Variants in ARHGEF9 observed in about 807,000 individuals in gnomAD.
ARHGEF9 encodes Cdc42 guanine nucleotide exchange factor 9.
Under a neutral mutation model 41.3 loss-of-function variants are expected in ARHGEF9, and 2 were observed. The observed-to-expected ratio is 0.05, with a 90% CI of 0.02 to 0.15. The LOEUF is 0.15. Among genes scored for constraint, ARHGEF9 ranks in the 10% least tolerant of loss-of-function variants. ARHGEF9 has a pLI of 1.00. For missense variants in ARHGEF9, 225 were observed against 424.7 expected, an observed-to-expected ratio of 0.53 and a Z score of 4.13; for synonymous variants, 160 against 154.4, an observed-to-expected ratio of 1.04 and a Z score of -0.27.
At chrX:63,703,594 C>T (rs1308779287) in intron 3 of ARHGEF9, among the ~76,000 whole-genome samples, 1 of 112,119 alleles carries the variant, frequency 8.9e-6, no homozygotes, top group Non-Finnish European at 1.9e-5. Flanking sequence ...CGAGCATCTA[C>T]TATGTACCAG....
In ARHGEF9 at chrX:63,716,656, T is replaced by C. The variant is rs188895393; in HGVS notation, c.210+7876A>G. Among the ~76,000 whole-genome samples, 7 of 112,129 alleles carry C rather than the reference T, an allele frequency of 6.2e-5. No individual in the cohort carries two copies. The East Asian group carries it at 8.4e-4, about 14-fold the overall frequency. ...CTGGTCACCATGCTTTACCTGCTTATTGAAGCACACTAAACAACCTGACGT... is the reference window on the plus strand; with the variant it reads ...CTGGTCACCATGCTTTACCTGCTTACTGAAGCACACTAAACAACCTGACGT... On this transcript the variant is annotated intron_variant, in intron 2 of 9. Coordinates refer to ENST00000671741, the MANE Select transcript of ARHGEF9 (RefSeq NM_001353921.2).
chrX:63,755,158 C>A (rs1475785550), intron 1 of ARHGEF9: 1 of 937,522 alleles, frequency 1.1e-6, no homozygotes, highest in Non-Finnish European at 1.3e-6. Context: ...TTTTATTCAC[C>A]GAGCGACTGC....
intron 4 of ARHGEF9, among the ~76,000 whole-genome samples, chrX:63,684,607 C>A (rs1430444432): frequency 9.0e-6 from 1 of 110,835 alleles, no homozygotes; most frequent in Admixed American, 9.6e-5. Context: ...TTAACAATAG[C>A]CAAGATGTGG....
At chrX:63,783,146 A>G (rs1379426475) in intron 1 of ARHGEF9, among the ~76,000 whole-genome samples, 1 of 112,178 alleles carries the variant, frequency 8.9e-6, no homozygotes, top group African/African-American at 3.2e-5. Context: ...TCATTAATTT[A>G]ACCTGTTGTC....
chrX:63,689,352 TATATC>T lies in ARHGEF9; in HGVS notation c.582+7768_582+7772del, dbSNP rs1241254432. 4.5e-5 allele frequency among the ~76,000 whole-genome samples: 5 copies of T among 111,944 alleles called. No individual in the cohort carries two copies. The Admixed American group carries it at 4.7e-4, about 11-fold the overall frequency. ...ACAAAAGAGCAGCAGTGGCTACACA[TATATC>T]ATACGAAACAGACTTCAGGTCAAAA... is the stretch of plus-strand genomic sequence containing the variant. On this transcript the variant is annotated intron_variant, in intron 4 of 9. Transcript: ENST00000671741.
intron 5 of ARHGEF9, 53 bp from the exon 6 acceptor site, chrX:63,674,220 T>A: frequency 8.5e-7 from 1 of 1,179,360 alleles, no homozygotes. Flanking sequence ...AAAGAACCAA[T>A]GTGCTAGGTG....
rs2047396027 is a variant in ARHGEF9, at chrX:63,637,949, G to C, written c.*79C>G. The C allele has an allele frequency of 5.8e-5, 55 of 949,814 alleles. No individual in the cohort carries two copies. Among genetic ancestry groups the C allele is most frequent in the Non-Finnish European group, 7.6e-5 (53 of 697,726 alleles). 78.3% of individuals were successfully genotyped at this position (949,814 alleles called of 1,213,427 possible). On this transcript the variant is annotated 3_prime_UTR_variant, in exon 10 of 10. Coordinates refer to ENST00000671741, the MANE Select transcript of ARHGEF9 (RefSeq NM_001353921.2). ...GTGTGTGTGTGTATAAATTTCAACA[G>C]TGCTTCTCCGAAAAAAGGTCCATCT...
At chrX:63,694,398 A>T (rs1401066412) in intron 4 of ARHGEF9, among the ~76,000 whole-genome samples, 8 of 112,150 alleles carry the variant, frequency 7.1e-5, no homozygotes, top group Admixed American at 3.8e-4. Flanking sequence ...TTCTCAAAAA[A>T]TATTGTACTA....
chrX:63,724,105 G>A (rs1375765842), intron 2 of ARHGEF9, among the ~76,000 whole-genome samples: 1 of 112,075 alleles, frequency 8.9e-6, no homozygotes, highest in Non-Finnish European at 1.9e-5. Context: ...AGAGGAGCAA[G>A]AGGAGGAGAT....
intron 1 of ARHGEF9, among the ~76,000 whole-genome samples, chrX:63,750,636 C>G (rs1556439859): frequency 9.0e-6 from 1 of 111,327 alleles, no homozygotes; most frequent in African/African-American, 3.3e-5. Flanking sequence ...TTTGTTCCCA[C>G]CAAGATATCA....
rs781970157 is a variant in ARHGEF9, at chrX:63,649,042, C to T, written c.1322-4994G>A. On this transcript the variant is annotated intron_variant, in intron 8 of 9. Coordinates refer to ENST00000671741, the MANE Select transcript of ARHGEF9 (RefSeq NM_001353921.2). The stretch of plus-strand genomic sequence containing the variant: ...CCACTGTCAACATTAGACAGATCAA[C>T]GAGACAAAAAGTTAACAAGGATATC... Among the ~76,000 whole-genome samples the T allele has an allele frequency of 1.1e-4, 12 of 110,688 alleles. No individual in the cohort carries two copies. The East Asian group carries it at 2.8e-3, about 26-fold the overall frequency.
intron 8 of ARHGEF9, among the ~76,000 whole-genome samples, chrX:63,644,676 G>A (rs1194333236): frequency 2.7e-5 from 3 of 109,678 alleles, no homozygotes; most frequent in African/African-American, 9.9e-5. Context: ...AGAAAGGACA[G>A]CTCACTTAAC....
At chrX:63,731,076 T>C (rs1457047441) in intron 1 of ARHGEF9, among the ~76,000 whole-genome samples, 2 of 112,087 alleles carry the variant, frequency 1.8e-5, no homozygotes, top group African/African-American at 6.5e-5. Context: ...GAACCTCACA[T>C]GTATGGAATA....
intron 1 of ARHGEF9, among the ~76,000 whole-genome samples, chrX:63,743,659 C>T (rs1370669460): frequency 4.5e-5 from 5 of 112,218 alleles, no homozygotes; most frequent in Admixed American, 1.9e-4. Flanking sequence ...ACCCAGTAAT[C>T]CATCACAAAT....
chrX:63,734,531 C>G (rs1227014766), intron 1 of ARHGEF9, among the ~76,000 whole-genome samples: 2 of 112,034 alleles, frequency 1.8e-5, no homozygotes, highest in African/African-American at 6.5e-5. Context: ...AACCAACTGT[C>G]TTAATCTTTC....
At chrX:63,716,364 C>A (rs1439324458) in intron 2 of ARHGEF9, among the ~76,000 whole-genome samples, 1 of 110,885 alleles carries the variant, frequency 9.0e-6, no homozygotes, top group African/African-American at 3.3e-5. Context: ...TGTTCCAACC[C>A]CTCCATCTTT....
intron 2 of ARHGEF9, among the ~76,000 whole-genome samples, chrX:63,718,425 C>G (rs1228089729): frequency 7.2e-5 from 8 of 111,488 alleles, no homozygotes; most frequent in African/African-American, 2.6e-4. Flanking sequence ...GTCCTCCTCT[C>G]CTCAAGTCAT....
At chrX:63,734,613 C>A (rs1210159528) in intron 1 of ARHGEF9, among the ~76,000 whole-genome samples, 1 of 111,872 alleles carries the variant, frequency 8.9e-6, no homozygotes, top group East Asian at 2.8e-4. Context: ...ACCAGAATCT[C>A]TGGAACTCCA....
chrX:63,785,024 G>T, intron 1 of ARHGEF9, 92 bp downstream of exon 1: 1 of 1,077,521 alleles, frequency 9.3e-7, no homozygotes, highest in Non-Finnish European at 1.3e-6. Flanking sequence ...AGGCCAGGGT[G>T]CTCACTGCCT....
Sources: gnomAD v4.1 joint callset for allele counts (sites outside exome capture counted in the v4.1 genomes callset) on GRCh38, gnomAD v4.1.1 for gene constraint, MANE v1.5 for transcripts, NCBI Gene and HGNC (gene_info 2026-07-23, HGNC 2026-07-21) for gene names.